The following ADAMTSL3 variants were observed in gnomAD, a reference collection of about 807,000 sequenced individuals.
ADAMTSL3 encodes the protein ADAMTS-like protein 3.
A neutral mutation model predicts 201.7 loss-of-function variants in ADAMTSL3; 128 were observed. The observed-to-expected ratio is 0.63, with a 90% CI of 0.55 to 0.73. The LOEUF (loss-of-function observed/expected upper bound fraction) is 0.73, where lower values mean the gene tolerates loss of function less well. ADAMTSL3 is among the 30% of genes least tolerant of loss of function. ADAMTSL3 has a pLI of 0.00. For synonymous variants in ADAMTSL3, 738 were observed against 748.4 expected (o/e 0.99, Z 0.23); for missense variants, 1,990 against 2,119.6 (o/e 0.94, Z 1.20).
intron 2 of ADAMTSL3, among the ~76,000 whole-genome samples, chr15:83,681,397 G>C (rs1044227171): frequency 1.3e-5 from 2 of 152,172 alleles, no homozygotes; most frequent in Non-Finnish European, 2.9e-5. Flanking sequence ...ACTTCAAAGG[G>C]ATGGGGTCGT....
chr15:84,008,430 G>A (rs1331575612), intron 23 of ADAMTSL3, among the ~76,000 whole-genome samples: 1 of 152,068 alleles, frequency 6.6e-6, no homozygotes, highest in Non-Finnish European at 1.5e-5. Flanking sequence ...TTACTTGCTC[G>A]TTTGACTACA....
intron 2 of ADAMTSL3, among the ~76,000 whole-genome samples, chr15:83,690,014 GT>G (rs2061591001): frequency 6.6e-6 from 1 of 152,096 alleles, no homozygotes; most frequent in African/African-American, 2.4e-5. Flanking sequence ...GTCAGTTTTG[GT>G]TAATTACATA....
In ADAMTSL3 at chr15:83,982,932, A is replaced by C. The variant is rs868449471; in HGVS notation, c.3304A>C (p.Asn1102His). Residue 1102 changes from asparagine to histidine, a missense_variant, in exon 21 of 30, where the codon AAC becomes CAC. Physicochemically the swap from Asn to His is moderately conservative, Grantham distance 68 (BLOSUM62 1). Transcript: ENST00000286744. ...AGCCCAGTTTGATGAGCTGATAAGA[A>C]ACATGAGTCAGCTCATGGAAACCGG... Reference protein sequence around the residue: ...DTAQFDELIRNMSQLMETGEV... With the variant: ...DTAQFDELIRHMSQLMETGEV... The C allele has an allele frequency of 6.2e-7, 1 of 1,614,142 alleles. No homozygotes were observed. Among genetic ancestry groups the C allele is most frequent in the Middle Eastern group, 1.6e-4 (1 of 6,062 alleles).
intron 19 of ADAMTSL3, among the ~76,000 whole-genome samples, chr15:83,967,118 C>T (rs1299645739): frequency 6.6e-6 from 1 of 152,190 alleles, no homozygotes; most frequent in Non-Finnish European, 1.5e-5. Context: ...AAAACTGGCA[C>T]AGGACAAGGA....
At chr15:83,903,865 C>A (rs557112681) in intron 15 of ADAMTSL3, among the ~76,000 whole-genome samples, 1 of 134,812 alleles carries the variant, frequency 7.4e-6, no homozygotes, top group Non-Finnish European at 1.5e-5. Flanking sequence ...TTGCAGTGAG[C>A]TGAGATCCTG....
At chr15:83,713,233 T>C (rs2061956252) in intron 3 of ADAMTSL3, among the ~76,000 whole-genome samples, 1 of 152,222 alleles carries the variant, frequency 6.6e-6, no homozygotes, top group African/African-American at 2.4e-5. Flanking sequence ...AAATACAGCC[T>C]CATGTAGTGG....
At chr15:83,737,027 A>G (rs529170897) in intron 3 of ADAMTSL3, among the ~76,000 whole-genome samples, 1 of 152,362 alleles carries the variant, frequency 6.6e-6, no homozygotes, top group East Asian at 1.9e-4. Context: ...TTTAAAGTAT[A>G]GCTAATTACT....
At chr15:83,970,702 T>C in intron 20 of ADAMTSL3, 65 bp downstream of exon 20, 1 of 1,574,912 alleles carries the variant, frequency 6.3e-7, no homozygotes, top group East Asian at 2.3e-5. Context: ...CCCGATGTCT[T>C]TATTTTCCAT....
intron 13 of ADAMTSL3, among the ~76,000 whole-genome samples, chr15:83,896,173 A>G (rs984955321): frequency 6.6e-6 from 1 of 152,152 alleles, no homozygotes; most frequent in Non-Finnish European, 1.5e-5. Flanking sequence ...TATCTGTTCA[A>G]TAAGCCTGAA....
At chr15:83,777,569 A>G (rs1331812643) in intron 4 of ADAMTSL3, among the ~76,000 whole-genome samples, 3 of 152,154 alleles carry the variant, frequency 2.0e-5, no homozygotes, top group African/African-American at 7.2e-5. Flanking sequence ...TACTAGAATC[A>G]AGCCCTCAAG....
chr15:83,695,099 T>C (rs2061661361), intron 2 of ADAMTSL3, among the ~76,000 whole-genome samples: 1 of 145,174 alleles, frequency 6.9e-6, no homozygotes, highest in Non-Finnish European at 1.5e-5. Context: ...GTGTGTGTGG[T>C]ATGTGTGCAT....
Position 83,819,868 on chromosome 15 carries a change from G to A in ADAMTSL3, c.421G>A (p.Val141Ile). The change falls in exon 6 of 30, where the codon GTC (valine) becomes ATC (isoleucine). Residue 141 changes from valine to isoleucine, a missense_variant. Transcript: ENST00000286744. ...CCAGCAGTGCTCAGCCTACAATGAT[G>A]TCCAGTATCAGGGGCATTACTATGA... ...RAQQCSAYND[V>I]QYQGHYYEWL... The A allele has an allele frequency of 6.2e-7, 1 of 1,614,128 alleles. No individual in the cohort carries two copies. Among genetic ancestry groups the A allele is most frequent in the Non-Finnish European group, 8.5e-7 (1 of 1,180,038 alleles).
chr15:83,817,689 A>G (rs977867523), intron 5 of ADAMTSL3, among the ~76,000 whole-genome samples: 1 of 152,248 alleles, frequency 6.6e-6, no homozygotes, highest in Non-Finnish European at 1.5e-5. Flanking sequence ...AGGATATAAA[A>G]CAAGACATTT....
chr15:83,913,526 CT>C, intron 16 of ADAMTSL3, 148 bp downstream of exon 16: 1 of 866,134 alleles, frequency 1.2e-6, no homozygotes, highest in South Asian at 1.9e-5. Context: ...ACTTTTTCTT[CT>C]TTTTCTTTCT....
At chr15:83,710,472 C>T (rs1423750907) in intron 3 of ADAMTSL3, among the ~76,000 whole-genome samples, 1 of 152,092 alleles carries the variant, frequency 6.6e-6, no homozygotes. Context: ...TCCAACCTCC[C>T]TCCCCCCACC....
At chr15:83,691,318 A>G (rs1469546483) in intron 2 of ADAMTSL3, among the ~76,000 whole-genome samples, 1 of 152,140 alleles carries the variant, frequency 6.6e-6, no homozygotes, top group Non-Finnish European at 1.5e-5. Flanking sequence ...CGCTGTGGAG[A>G]ATTTTGGAGT....
intron 19 of ADAMTSL3, among the ~76,000 whole-genome samples, chr15:83,951,528 T>C (rs1047301229): frequency 1.3e-5 from 2 of 152,194 alleles, no homozygotes; most frequent in African/African-American, 4.8e-5. Context: ...ACTGGCCTGA[T>C]AGAATGAGTT....
intron 6 of ADAMTSL3, among the ~76,000 whole-genome samples, chr15:83,834,680 C>T (rs1335578822): frequency 6.6e-6 from 1 of 152,168 alleles, no homozygotes; most frequent in Non-Finnish European, 1.5e-5. Flanking sequence ...AAAAGCACTA[C>T]TCATATATTT....
At chr15:83,983,915 G>A (rs947021196) in intron 21 of ADAMTSL3, among the ~76,000 whole-genome samples, 3 of 152,110 alleles carry the variant, frequency 2.0e-5, no homozygotes, top group Non-Finnish European at 2.9e-5. Context: ...ACACAAATAC[G>A]TAGCCTTGTC....
Sources: allele counts gnomAD v4.1 joint callset (sites outside exome capture counted in the v4.1 genomes callset), GRCh38; gene constraint gnomAD v4.1.1; transcripts MANE v1.5; gene names NCBI Gene and HGNC (gene_info 2026-07-23, HGNC 2026-07-21).